ROPN1: variants seen among roughly 807,000 people sequenced by gnomAD.
The protein encoded by ROPN1 is ropporin-1A.
ROPN1 carries 14 observed loss-of-function variants against 20.5 expected under a neutral mutation model. The observed-to-expected ratio is 0.68, with a 90% CI of 0.45 to 1.07. ROPN1 has a LOEUF of 1.07. Among genes scored for constraint, ROPN1 ranks in the 50% least tolerant of loss-of-function variants. The pLI is 0.00. For missense variants in ROPN1, 169 were observed against 242.8 expected (o/e 0.70, Z 2.02); for synonymous variants, 76 against 95.7 (o/e 0.79, Z 1.20).
Position 123,969,164 on chromosome 3 carries a change from C to T in ROPN1, c.630G>A (p.Gln210=). ...TGCCAAAATTGTGCTTTTACTCCAG[C>T]TGAACCCTGGGGTTTTGGGTAAAGT... ...VNDFTQNPRV[Q]LE Residue 210 remains glutamine (Q), a synonymous_variant, in exon 6 of 6, where the codon CAG becomes CAA. Coordinates refer to ENST00000405845, the MANE Select transcript of ROPN1 (RefSeq NM_001317774.2). The T allele has an allele frequency of 6.2e-7, 1 of 1,613,948 alleles. No homozygotes were observed.
intron 3 of ROPN1, among the ~76,000 whole-genome samples, chr3:123,976,140 G>A (rs1415422778): frequency 1.3e-5 from 2 of 152,136 alleles, no homozygotes; most frequent in African/African-American, 4.8e-5. Flanking sequence ...ATAAAAGGAG[G>A]GAAGGTGACT....
chr3:123,986,405 G>A (rs1168686174), intron 1 of ROPN1, among the ~76,000 whole-genome samples: 2 of 152,188 alleles, frequency 1.3e-5, no homozygotes. Context: ...CAGCTATTGT[G>A]GGGAGCAGGG....
At chr3:123,987,587 C>A (rs2038293098) in intron 1 of ROPN1, among the ~76,000 whole-genome samples, 2 of 152,244 alleles carry the variant, frequency 1.3e-5, no homozygotes, top group Admixed American at 1.3e-4. Context: ...GTCTGACTTT[C>A]AAGATCTCCC....
At chr3:123,972,164 C>T (rs2332715) in intron 4 of ROPN1, among the ~76,000 whole-genome samples, 2 of 152,118 alleles carry the variant, frequency 1.3e-5, no homozygotes, top group African/African-American at 4.8e-5. Context: ...AACATAGCGG[C>T]TTTCAACCCT....
At chr3:123,989,632 G>C (rs1259095998) in intron 1 of ROPN1, among the ~76,000 whole-genome samples, 4 of 152,184 alleles carry the variant, frequency 2.6e-5, no homozygotes, top group Admixed American at 6.5e-5. Flanking sequence ...TGCAGTGTGT[G>C]ATCTTTTGAG....
Position 123,980,340 on chromosome 3 carries a change from G to C in ROPN1, c.116+26C>G, listed in dbSNP as rs535772053. The stretch of plus-strand genomic sequence containing the variant: ...CTCTGTCTCCGGCCGTCCTCCAAGG[G>C]GTGAAGGCGAGAAAGGAGCACGTAC... On this transcript the variant is annotated intron_variant, in intron 2 of 5. Coordinates refer to ENST00000405845, the MANE Select transcript of ROPN1 (RefSeq NM_001317774.2). 21 of 1,611,132 alleles carry C rather than the reference G, an allele frequency of 1.3e-5. No homozygotes were observed. The South Asian group carries it at 2.0e-4, about 15-fold the overall frequency.
At position 123,970,151 on chromosome 3, in the gene ROPN1, G is replaced by A. The variant is rs146441719; in HGVS notation, c.463C>T (p.Arg155Trp). 1.3e-5 allele frequency: 21 copies of A among 1,613,912 alleles called. No individual in the cohort carries two copies. The highest frequency in any genetic ancestry group is 8.0e-5 in the African/African-American group (6 of 74,910). Reference sequence around the variant, plus strand: ...AACTGGAAGGTGCTGAACGGGATCCGGGGCGACCCACCATTATGGTCACAT... The same window carrying A: ...AACTGGAAGGTGCTGAACGGGATCCAGGGCGACCCACCATTATGGTCACAT... Reference protein sequence around the residue: ...LSCDHNGGSPRIPFSTFQFLY... With the variant: ...LSCDHNGGSPWIPFSTFQFLY... Residue 155 changes from arginine (R) to tryptophan (W), a missense_variant, in exon 5 of 6, where the codon CGG becomes TGG. Physicochemically the swap from Arg to Trp is moderately radical, Grantham distance 101. Coordinates refer to ENST00000405845, the MANE Select transcript of ROPN1 (RefSeq NM_001317774.2).
intron 1 of ROPN1, among the ~76,000 whole-genome samples, chr3:123,988,808 C>T (rs560831016): frequency 6.6e-6 from 1 of 152,062 alleles, no homozygotes; most frequent in East Asian, 1.9e-4. Context: ...ACACACTCTG[C>T]TTCATGGAGC....
At chr3:123,985,642 C>T in intron 1 of ROPN1, among the ~76,000 whole-genome samples, 1 of 151,618 alleles carries the variant, frequency 6.6e-6, no homozygotes, top group East Asian at 1.9e-4. Flanking sequence ...AAATAATAAA[C>T]ATTTGCCTCT....
chr3:123,988,550 A>T (rs191085694), intron 1 of ROPN1, among the ~76,000 whole-genome samples: 150 of 152,230 alleles, frequency 9.9e-4, no homozygotes, highest in African/African-American at 3.5e-3. Flanking sequence ...GATATTCAGC[A>T]TTGCACTGGC....
At chr3:123,986,237 C>T (rs888796721) in intron 1 of ROPN1, among the ~76,000 whole-genome samples, 2 of 151,016 alleles carry the variant, frequency 1.3e-5, no homozygotes, top group African/African-American at 4.8e-5. Context: ...CCTATAGTCT[C>T]CTTAAGTACT....
chr3:123,971,356 T>C (rs1435685976), intron 4 of ROPN1, among the ~76,000 whole-genome samples: 1 of 152,244 alleles, frequency 6.6e-6, no homozygotes, highest in Non-Finnish European at 1.5e-5. Context: ...TTAAACATAA[T>C]TTGTAATAAT....
intron 1 of ROPN1, among the ~76,000 whole-genome samples, chr3:123,984,605 G>T (rs2038212477): frequency 6.6e-6 from 1 of 152,048 alleles, no homozygotes; most frequent in Non-Finnish European, 1.5e-5. Context: ...GCTTTTTATA[G>T]TCAGAGAGCA....
At chr3:123,972,610 G>T (rs185154139) in intron 4 of ROPN1, among the ~76,000 whole-genome samples, 1 of 152,176 alleles carries the variant, frequency 6.6e-6, no homozygotes, top group East Asian at 1.9e-4. Flanking sequence ...GCATGCCATC[G>T]CATTCTGAAT....
intron 1 of ROPN1, among the ~76,000 whole-genome samples, chr3:123,987,484 C>A (rs2038290284): frequency 6.6e-6 from 1 of 152,224 alleles, no homozygotes; most frequent in African/African-American, 2.4e-5. Flanking sequence ...CCATCTTGCC[C>A]TCCAATAAAA....
At chr3:123,971,618 A>C (rs919904280) in intron 4 of ROPN1, among the ~76,000 whole-genome samples, 48 of 152,250 alleles carry the variant, frequency 3.2e-4, no homozygotes, top group Admixed American at 2.3e-3. Context: ...AGTATATATG[A>C]GGCTGTCTGG....
rs1241124778 is a variant in ROPN1 at position 123,976,902 on chromosome 3, C to G, written c.196G>C (p.Glu66Gln). 1.2e-6 allele frequency: 2 copies of G among 1,613,956 alleles called. No individual in the cohort carries two copies. Among genetic ancestry groups the G allele is most frequent in the Non-Finnish European group, 1.7e-6 (2 of 1,179,946 alleles). ...SERVALCNRA[E>Q]LTPELLKILH... ...ATCTTTAACAGCTCAGGTGTTAGCT[C>G]TGCCCGGTTACACAAAGCGACTCGC... Residue 66 changes from glutamate (E) to glutamine (Q), a missense_variant, in exon 3 of 6, where the codon GAG (glutamate) becomes CAG (glutamine). Coordinates refer to ENST00000405845, the MANE Select transcript of ROPN1 (RefSeq NM_001317774.2).
In ROPN1 at chr3:123,979,616, A is replaced by C. The variant is rs556639870; in HGVS notation, c.116+750T>G. Reference sequence around the variant, plus strand: ...AGCGATTGTTGTGTAAGCTCCATCTACTGAGCAGCCTCTGGAGGTCTCTCC... The same window carrying C: ...AGCGATTGTTGTGTAAGCTCCATCTCCTGAGCAGCCTCTGGAGGTCTCTCC... On this transcript the variant is annotated intron_variant, in intron 2 of 5. Transcript: ENST00000405845. 1.2e-4 allele frequency: 43 copies of C among 363,720 alleles called. 2 individuals carry two copies. Among genetic ancestry groups the C allele is most frequent in the South Asian group, 8.0e-4 (39 of 48,588 alleles). The allele number at this position is 363,720 out of a possible 1,614,324, so 22.5% of individuals were successfully genotyped here. A position where few individuals can be genotyped will look rare whatever the true frequency, so the allele number is the denominator to read the frequency against.
chr3:123,982,458 A>T (rs374026088), intron 1 of ROPN1, among the ~76,000 whole-genome samples: 3 of 152,290 alleles, frequency 2.0e-5, no homozygotes, highest in South Asian at 2.1e-4. Context: ...ATGGAGAGGG[A>T]TGTTATTAGG....
Sources: allele counts gnomAD v4.1 joint callset (sites outside exome capture counted in the v4.1 genomes callset), GRCh38; gene constraint gnomAD v4.1.1; transcripts MANE v1.5; gene names NCBI Gene and HGNC (gene_info 2026-07-23, HGNC 2026-07-21).